Variants in ASTN2 observed in about 807,000 individuals in gnomAD.
The protein encoded by ASTN2 is astrotactin 2, also known as astrotactin-2.
A neutral mutation model predicts 139.8 loss-of-function variants in ASTN2; 54 were observed. That is an observed-to-expected ratio of 0.39 (90% CI 0.31 to 0.48). The LOEUF is 0.48. Ranked by LOEUF, ASTN2 falls within the 20% of genes least tolerant of loss-of-function variation. The probability of loss-of-function intolerance (pLI) is 0.95; values close to 1 mark genes in which losing one functional copy is unlikely to be tolerated. For missense variants in ASTN2, 1,565 were observed against 1,725.1 expected (o/e 0.91, Z 1.64); for synonymous variants, 756 against 719.5 (o/e 1.05, Z -0.81).
intron 11 of ASTN2, among the ~76,000 whole-genome samples, chr9:116,840,560 C>A (rs113346376): frequency 3.3e-5 from 1 of 30,006 alleles, no homozygotes; most frequent in Non-Finnish European, 8.5e-5. Flanking sequence ...GGGGGGCTGA[C>A]CCCCCCACCT....
At chr9:117,184,204 T>G (rs1367498263) in intron 3 of ASTN2, among the ~76,000 whole-genome samples, 3 of 152,138 alleles carry the variant, frequency 2.0e-5, no homozygotes, top group Non-Finnish European at 4.4e-5. Flanking sequence ...CATTTCTACC[T>G]GACTGCCCAC....
chr9:116,720,255 T>C (rs2132108824), intron 16 of ASTN2, among the ~76,000 whole-genome samples: 1 of 152,340 alleles, frequency 6.6e-6, no homozygotes, highest in South Asian at 2.1e-4. Flanking sequence ...ATGCAATCCC[T>C]TGGACAGTCT....
At chr9:117,090,166 G>T (rs1360856723) in intron 5 of ASTN2, among the ~76,000 whole-genome samples, 2 of 152,148 alleles carry the variant, frequency 1.3e-5, no homozygotes, top group Non-Finnish European at 2.9e-5. Context: ...TCTATGTGTT[G>T]CCTATGGCAG....
chr9:116,803,073 T>C (rs1303586299), intron 13 of ASTN2, among the ~76,000 whole-genome samples: 2 of 152,230 alleles, frequency 1.3e-5, no homozygotes, highest in Non-Finnish European at 2.9e-5. Context: ...TTTTCTATTT[T>C]TTTAAAACTT....
chr9:117,123,127 C>A (rs1238604037), intron 4 of ASTN2, among the ~76,000 whole-genome samples: 1 of 152,070 alleles, frequency 6.6e-6, no homozygotes, highest in East Asian at 1.9e-4. Flanking sequence ...AAACACAGAT[C>A]ATCAGGCTCC....
At chr9:117,167,643 A>G (rs944583057) in intron 3 of ASTN2, among the ~76,000 whole-genome samples, 13 of 150,576 alleles carry the variant, frequency 8.6e-5, no homozygotes, top group African/African-American at 2.2e-4. Flanking sequence ...TGAATCAGGG[A>G]AAAAAAATAT....
In ASTN2 at chr9:117,376,059, A is replaced by G. The variant is rs1830115662; in HGVS notation, c.442+38438T>C. On this transcript the variant is annotated intron_variant, in intron 1 of 22. Transcript: ENST00000313400. The stretch of plus-strand genomic sequence containing the variant: ...TAATCCAGTATAATCTTTTCATCCC[A>G]AGATCTTTAACCTAATCACATCTAC... 2.0e-5 allele frequency among the ~76,000 whole-genome samples: 3 copies of G among 152,158 alleles called. No individual in the cohort carries two copies. The South Asian group carries it at 6.2e-4, about 32-fold the overall frequency.
chr9:117,255,511 G>T (rs1243603160), intron 2 of ASTN2, among the ~76,000 whole-genome samples: 7 of 152,158 alleles, frequency 4.6e-5, no homozygotes, highest in Non-Finnish European at 8.8e-5. Context: ...TGTAAACTTG[G>T]GTTGATTAAA....
chr9:117,262,099 G>T (rs992453418), intron 2 of ASTN2, among the ~76,000 whole-genome samples: 10 of 152,182 alleles, frequency 6.6e-5, no homozygotes, highest in Admixed American at 5.9e-4. Context: ...GAGTAAATCT[G>T]AGCCTAGTAA....
intron 3 of ASTN2, among the ~76,000 whole-genome samples, chr9:117,146,548 G>A (rs1830202364): frequency 6.6e-6 from 1 of 151,744 alleles, no homozygotes; most frequent in Non-Finnish European, 1.5e-5. Flanking sequence ...AAGAAAGAGG[G>A]GGTCTAAGAT....
chr9:117,374,369 T>TAAAAAAAAAAAAAAAAAAA (rs57428022), intron 1 of ASTN2, among the ~76,000 whole-genome samples: 2 of 87,326 alleles, frequency 2.3e-5, no homozygotes, highest in African/African-American at 1.1e-4. Flanking sequence ...AGGGCAGGGT[T>TAAAAAAAAAAAAAAAAAAA]AAAAAAAAAA....
At chr9:116,481,992 AAGCTCT>A (rs1849184048) in intron 20 of ASTN2, among the ~76,000 whole-genome samples, 1 of 152,126 alleles carries the variant, frequency 6.6e-6, no homozygotes, top group African/African-American at 2.4e-5. Context: ...TCACTCCCTT[AAGCTCT>A]AGCTTTCCCA....
chr9:117,215,739 G>C (rs1832297611), intron 2 of ASTN2, among the ~76,000 whole-genome samples: 1 of 152,078 alleles, frequency 6.6e-6, no homozygotes. Flanking sequence ...TTCTGTGCCA[G>C]AAACCTCTCC....
chr9:117,337,144 A>C (rs1828913537), intron 1 of ASTN2, among the ~76,000 whole-genome samples: 1 of 152,208 alleles, frequency 6.6e-6, no homozygotes, highest in African/African-American at 2.4e-5. Context: ...AAATCTAAAA[A>C]ATCACACATA....
intron 19 of ASTN2, among the ~76,000 whole-genome samples, chr9:116,564,941 T>C (rs1309016380): frequency 6.6e-6 from 1 of 152,140 alleles, no homozygotes; most frequent in Non-Finnish European, 1.5e-5. Context: ...AGAAATCACT[T>C]AACTCCTCTA....
At chr9:117,011,031 A>T (rs1837514708) in intron 6 of ASTN2, among the ~76,000 whole-genome samples, 1 of 152,198 alleles carries the variant, frequency 6.6e-6, no homozygotes, top group Non-Finnish European at 1.5e-5. Flanking sequence ...ATAAGTGCCT[A>T]GGTGCTGACT....
chr9:116,429,662 T>C (rs567751239), intron 22 of ASTN2, among the ~76,000 whole-genome samples: 1 of 152,292 alleles, frequency 6.6e-6, no homozygotes, highest in South Asian at 2.1e-4. Context: ...ATTACATCAT[T>C]AGGTGTATTT....
intron 2 of ASTN2, among the ~76,000 whole-genome samples, chr9:117,290,209 C>A (rs545542840): frequency 5.3e-5 from 8 of 151,948 alleles, no homozygotes; most frequent in Admixed American, 3.3e-4. Flanking sequence ...CTGGCAGAGC[C>A]GTACTAAAGA....
chr9:117,415,053 T>A lies in ASTN2; in HGVS notation c.-115A>T. 5.8e-6 allele frequency: 1 copy of A among 172,534 alleles called. No homozygotes were observed. The highest frequency in any genetic ancestry group is 1.2e-5 in the Non-Finnish European group (1 of 82,230). 10.7% of individuals were successfully genotyped at this position (172,534 alleles called of 1,614,324 possible). On this transcript the variant is annotated 5_prime_UTR_variant, in exon 1 of 23. Coordinates refer to ENST00000313400, the MANE Select transcript of ASTN2 (RefSeq NM_001365068.1). ...CCGAAGCGAACCAGGACGCCCGAGC[T>A]AAGGAGCGGAGAGAGCCGCTCGCCA...
Sources: allele counts gnomAD v4.1 joint callset (sites outside exome capture counted in the v4.1 genomes callset), GRCh38; gene constraint gnomAD v4.1.1; transcripts MANE v1.5; gene names NCBI Gene and HGNC (gene_info 2026-07-23, HGNC 2026-07-21).